CUX1: variants seen among roughly 807,000 people sequenced by gnomAD.
CUX1 encodes the protein cut like homeobox 1.
In CUX1, 31 loss-of-function variants were observed where a neutral mutation model predicts 158.8. That is an observed-to-expected ratio of 0.20 (90% CI 0.15 to 0.26). The LOEUF (loss-of-function observed/expected upper bound fraction) is 0.26. Ranked by LOEUF, CUX1 falls within the 10% of genes least tolerant of loss-of-function variation. CUX1 has a pLI of 1.00. For missense variants in CUX1, 1,589 were observed against 2,014.6 expected (o/e 0.79, Z 4.04); for synonymous variants, 879 against 862.1 (o/e 1.02, Z -0.34).
intron 2 of CUX1, among the ~76,000 whole-genome samples, chr7:101,991,253 AC>A (rs1344923996): frequency 3.3e-5 from 5 of 152,236 alleles, no homozygotes; most frequent in African/African-American, 4.8e-5. Context: ...AGGTCCCCCT[AC>A]ACCACCACCG....
At chr7:101,935,926 G>A (rs1045572255) in intron 2 of CUX1, among the ~76,000 whole-genome samples, 2 of 152,146 alleles carry the variant, frequency 1.3e-5, no homozygotes, top group Admixed American at 6.5e-5. Flanking sequence ...AGGTGGAGCC[G>A]GAACAGCTGA....
At chr7:102,243,865 TA>T (rs1415156647) in intron 23 of CUX1, among the ~76,000 whole-genome samples, 2 of 151,458 alleles carry the variant, frequency 1.3e-5, no homozygotes, top group Non-Finnish European at 2.9e-5. Flanking sequence ...CTGCCTCTAC[TA>T]AAAATACAAA....
intron 1 of CUX1, among the ~76,000 whole-genome samples, chr7:101,865,374 T>A (rs985092064): frequency 1.3e-5 from 2 of 152,248 alleles, no homozygotes; most frequent in African/African-American, 4.8e-5. Flanking sequence ...AGAACATATT[T>A]CCTGATGTGG....
chr7:102,046,881 C>T (rs1438120363), intron 3 of CUX1, among the ~76,000 whole-genome samples: 3 of 152,106 alleles, frequency 2.0e-5, no homozygotes, highest in South Asian at 4.1e-4. Flanking sequence ...ACACCCAGCT[C>T]ACTTCTGTTC....
rs1792660683 is a variant in CUX1, at chr7:102,178,582, C to T, written c.942C>T (p.Thr314=). Reference sequence around the variant, plus strand: ...TGCAGAGACTCCAGGCCAGCCTCACCAAGCTGCGGGAGAATTCGGCCAGCC... The same window carrying T: ...TGCAGAGACTCCAGGCCAGCCTCACTAAGCTGCGGGAGAATTCGGCCAGCC... The part of the protein sequence containing the change: ...EDVQRLQASL[T]KLRENSASQI... The change falls in exon 11 of 24, where the codon ACC becomes ACT. Residue 314 remains threonine, a synonymous_variant. Transcript: ENST00000292535. 6.2e-7 allele frequency: 1 copy of T among 1,612,250 alleles called. No individual in the cohort carries two copies. The highest frequency in any genetic ancestry group is 1.7e-5 in the Admixed American group (1 of 59,774).
At chr7:102,028,430 G>A (rs914363875) in intron 3 of CUX1, among the ~76,000 whole-genome samples, 6 of 152,178 alleles carry the variant, frequency 3.9e-5, no homozygotes, top group South Asian at 2.1e-4. Context: ...GGTTGTTGGC[G>A]CTACGGCCTT....
intron 3 of CUX1, among the ~76,000 whole-genome samples, chr7:102,042,425 C>G (rs1293122227): frequency 1.3e-5 from 2 of 152,216 alleles, no homozygotes; most frequent in Non-Finnish European, 2.9e-5. Context: ...CTGTGACTCT[C>G]TCTGCCCACT....
intron 2 of CUX1, among the ~76,000 whole-genome samples, chr7:101,993,528 C>T (rs973610873): frequency 1.1e-4 from 16 of 152,108 alleles, no homozygotes; most frequent in African/African-American, 2.7e-4. Flanking sequence ...CATAGTATGT[C>T]GGAGCTGCTG....
rs187944726 is a variant in CUX1 at position 101,824,044 on chromosome 7, C to A, written c.30+6375C>A. 1.9e-3 allele frequency among the ~76,000 whole-genome samples: 288 copies of A among 152,268 alleles called. 1 individual carries two copies. Among genetic ancestry groups the A allele is most frequent in the Non-Finnish European group, 3.6e-3 (248 of 68,016 alleles). On this transcript the variant is annotated intron_variant, in intron 1 of 23. Coordinates refer to ENST00000292535, the MANE Select transcript of CUX1 (RefSeq NM_181552.4). The stretch of plus-strand genomic sequence containing the variant: ...TAATGAATTGCCATGATTTTGTTTT[C>A]TCTAACATAGTTTAATATCTTTAAG...
At chr7:101,904,989 T>C (rs1267117719) in intron 1 of CUX1, among the ~76,000 whole-genome samples, 1 of 152,190 alleles carries the variant, frequency 6.6e-6, no homozygotes, top group Non-Finnish European at 1.5e-5. Context: ...TTATGTGACT[T>C]AATCCTCATA....
intron 8 of CUX1, among the ~76,000 whole-genome samples, chr7:102,123,816 C>T (rs7807344): frequency 0.24 from 35,806 of 151,750 alleles, 4,544 homozygotes; most frequent in Non-Finnish European, 0.29. Flanking sequence ...GTGTGTACCA[C>T]CACACCTGGC....
intron 8 of CUX1, among the ~76,000 whole-genome samples, chr7:102,126,781 G>A (rs1272979414): frequency 2.0e-5 from 3 of 152,102 alleles, no homozygotes; most frequent in Admixed American, 6.6e-5. Flanking sequence ...ATTCAAGCAC[G>A]TTCTATTTAT....
At chr7:102,101,057 G>A (rs1247672360) in intron 5 of CUX1, among the ~76,000 whole-genome samples, 2 of 152,126 alleles carry the variant, frequency 1.3e-5, no homozygotes, top group Non-Finnish European at 2.9e-5. Flanking sequence ...CCAAATCTCA[G>A]TGACTCATCA....
chr7:102,273,363 C>A (rs782394592), intron 14 of CUX1: 2 of 1,611,398 alleles, frequency 1.2e-6, no homozygotes, highest in South Asian at 2.2e-5. Context: ...CCTTTGGCCA[C>A]AGGACGCTGT....
chr7:101,867,534 C>T (rs1348176730), intron 1 of CUX1, among the ~76,000 whole-genome samples: 6 of 152,178 alleles, frequency 3.9e-5, no homozygotes, highest in Non-Finnish European at 5.9e-5. Context: ...CGTGGGCACA[C>T]TGGGAGGGGA....
chr7:102,070,348 C>A lies in CUX1; in HGVS notation c.199C>A (p.Leu67Met). Residue 67 changes from leucine to methionine, a missense_variant, in exon 4 of 24, where the codon CTG becomes ATG. Physicochemically the swap from Leu to Met is conservative, Grantham distance 15 (BLOSUM62 2). This residue lies in a region of CUX1 where 63 missense variants were observed against 109.2 expected (regional missense o/e 0.58). Coordinates refer to ENST00000292535, the MANE Select transcript of CUX1 (RefSeq NM_181552.4). ...TTTCCTTCCCTTTCAGATTGATGCA[C>A]TGAGTAAAAGAAGCAAGGAAGCTGA... ...LKSFQGEIDALSKRSKEAEAA... is the reference protein window; with the variant it reads ...LKSFQGEIDAMSKRSKEAEAA... The A allele has an allele frequency of 6.2e-7, 1 of 1,608,482 alleles. No individual in the cohort carries two copies. Among genetic ancestry groups the A allele is most frequent in the South Asian group, 1.1e-5 (1 of 90,110 alleles).
Position 101,916,163 on chromosome 7 carries a change from A to C in CUX1, c.79A>C (p.Ser27Arg). 6.2e-7 allele frequency: 1 copy of C among 1,614,038 alleles called. No homozygotes were observed. Among genetic ancestry groups the C allele is most frequent in the Non-Finnish European group, 8.5e-7 (1 of 1,179,950 alleles). ...GGTATTGGCGAACCGGCAGGATGAA[A>C]GTGAGCAGTCCAGAAAGCGGCTTAT... is the stretch of plus-strand genomic sequence containing the variant. Reference protein sequence around the residue: ...ATVLANRQDESEQSRKRLIEQ... With the variant: ...ATVLANRQDEREQSRKRLIEQ... The change falls in exon 2 of 24, where the codon AGT becomes CGT. Residue 27 changes from serine to arginine, a missense_variant. Coordinates refer to ENST00000292535, the MANE Select transcript of CUX1 (RefSeq NM_181552.4). This position sits in a 1 kb window ranked among gnomAD's most constrained non-coding sequence, Gnocchi z 4.4.
chr7:102,017,494 C>G (rs1203741910), intron 2 of CUX1, among the ~76,000 whole-genome samples: 1 of 152,114 alleles, frequency 6.6e-6, no homozygotes, highest in East Asian at 1.9e-4. Context: ...AGGGCAGGGA[C>G]TGTGACTGTC....
At chr7:101,836,669 A>G (rs978586200) in intron 1 of CUX1, among the ~76,000 whole-genome samples, 3 of 135,722 alleles carry the variant, frequency 2.2e-5, no homozygotes, top group African/African-American at 8.7e-5. Flanking sequence ...CTCTGAGAGC[A>G]GCGAGACTCC....
Sources: allele counts gnomAD v4.1 joint callset (sites outside exome capture counted in the v4.1 genomes callset), GRCh38; gene constraint gnomAD v4.1.1; regional missense constraint gnomAD v4.1.1; non-coding constraint Gnocchi (gnomAD v3.1); transcripts MANE v1.5; gene names NCBI Gene and HGNC (gene_info 2026-07-23, HGNC 2026-07-21).